Variants in SGMS1 observed in about 807,000 individuals in gnomAD.
SGMS1 encodes the protein phosphatidylcholine:ceramide cholinephosphotransferase 1.
In SGMS1, 13 loss-of-function variants were observed where a neutral mutation model predicts 46.2. The observed-to-expected ratio is 0.28, with a 90% confidence interval of 0.18 to 0.45. SGMS1 has a LOEUF of 0.45. Ranked by LOEUF, SGMS1 falls within the 20% of genes least tolerant of loss-of-function variation. SGMS1 has a pLI of 1.00. For missense variants in SGMS1, 324 were observed against 519.9 expected (o/e 0.62, Z 3.66); for synonymous variants, 203 against 187.8 (o/e 1.08, Z -0.66).
At chr10:50,408,810 T>C (rs1424761053) in intron 6 of SGMS1, among the ~76,000 whole-genome samples, 1 of 152,090 alleles carries the variant, frequency 6.6e-6, no homozygotes, top group Non-Finnish European at 1.5e-5. Context: ...TGGGAGTTCA[T>C]GCTGCAGTAA....
At position 50,528,576 on chromosome 10, in the gene SGMS1, T is replaced by C. The variant is rs183816419; in HGVS notation, c.-588-8655A>G. Reference sequence around the variant, plus strand: ...TCAAGAAACATTCCAATATTATCAATGTCTAAATCCCCACTGCACATATTG... The same window carrying C: ...TCAAGAAACATTCCAATATTATCAACGTCTAAATCCCCACTGCACATATTG... On this transcript the variant is annotated intron_variant, in intron 2 of 10. Transcript: ENST00000361781. Among the ~76,000 whole-genome samples the C allele has an allele frequency of 1.1e-3, 169 of 152,352 alleles. 1 individual carries two copies. The highest frequency in any genetic ancestry group is 4.0e-3 in the African/African-American group (165 of 41,584).
intron 6 of SGMS1, among the ~76,000 whole-genome samples, chr10:50,360,233 C>T (rs186482952): frequency 6.6e-5 from 10 of 152,230 alleles, no homozygotes; most frequent in African/African-American, 2.2e-4. Context: ...AGCCAAACCA[C>T]CAAAAAAGAT....
chr10:50,388,606 GT>G (rs1347787302), intron 6 of SGMS1, among the ~76,000 whole-genome samples: 2 of 151,816 alleles, frequency 1.3e-5, no homozygotes, highest in African/African-American at 4.8e-5. Flanking sequence ...GAGCGAGACT[GT>G]CTCAAAAAGA....
intron 3 of SGMS1, among the ~76,000 whole-genome samples, chr10:50,502,509 A>G (rs942513444): frequency 9.9e-5 from 15 of 152,134 alleles, no homozygotes; most frequent in African/African-American, 3.6e-4. Context: ...CTCTATCTGG[A>G]AAGTTTAGTC....
At chr10:50,377,162 C>T (rs1004408018) in intron 6 of SGMS1, among the ~76,000 whole-genome samples, 2 of 152,188 alleles carry the variant, frequency 1.3e-5, no homozygotes, top group African/African-American at 4.8e-5. Context: ...GAAGTCCAAG[C>T]TCAGGCAGCT....
intron 9 of SGMS1, among the ~76,000 whole-genome samples, chr10:50,308,806 C>T (rs558708424): frequency 1.3e-5 from 2 of 152,162 alleles, no homozygotes; most frequent in African/African-American, 2.4e-5. Flanking sequence ...ACCTTGGATT[C>T]TCAATTGTGG....
chr10:50,597,335 C>A (rs528652608), intron 1 of SGMS1, among the ~76,000 whole-genome samples: 38 of 152,256 alleles, frequency 2.5e-4, no homozygotes, highest in African/African-American at 8.9e-4. Context: ...TAAATGCCAG[C>A]AAAAATACAG....
intron 8 of SGMS1, among the ~76,000 whole-genome samples, chr10:50,318,570 C>T (rs945488748): frequency 6.6e-6 from 1 of 152,056 alleles, no homozygotes; most frequent in Non-Finnish European, 1.5e-5. Context: ...AATATAGATC[C>T]CTGCCGGACG....
At chr10:50,332,989 C>T (rs1847652546) in intron 7 of SGMS1, among the ~76,000 whole-genome samples, 1 of 152,176 alleles carries the variant, frequency 6.6e-6, no homozygotes, top group Non-Finnish European at 1.5e-5. Flanking sequence ...CAATTTCTTT[C>T]TCTGGCCTCT....
intron 6 of SGMS1, among the ~76,000 whole-genome samples, chr10:50,356,094 C>G (rs995417866): frequency 2.5e-4 from 38 of 152,118 alleles, no homozygotes; most frequent in Non-Finnish European, 5.1e-4. Context: ...GCCATGATGA[C>G]GATGCAGTTT....
At chr10:50,419,125 C>T (rs1849221713) in intron 6 of SGMS1, among the ~76,000 whole-genome samples, 2 of 152,024 alleles carry the variant, frequency 1.3e-5, no homozygotes, top group South Asian at 2.1e-4. Flanking sequence ...TCAGGACCAT[C>T]GAGATTTCAG....
At chr10:50,481,920 A>G (rs1464200333) in intron 3 of SGMS1, among the ~76,000 whole-genome samples, 2 of 152,222 alleles carry the variant, frequency 1.3e-5, no homozygotes, top group African/African-American at 4.8e-5. Flanking sequence ...AGAAGAAACA[A>G]TGTCAGAGCT....
At chr10:50,383,555 T>A (rs1248517141) in intron 6 of SGMS1, among the ~76,000 whole-genome samples, 1 of 152,156 alleles carries the variant, frequency 6.6e-6, no homozygotes, top group African/African-American at 2.4e-5. Context: ...ACATGACCTT[T>A]ATAATCTGGA....
intron 6 of SGMS1, among the ~76,000 whole-genome samples, chr10:50,428,723 C>T (rs1242409580): frequency 6.6e-6 from 1 of 152,196 alleles, no homozygotes; most frequent in Non-Finnish European, 1.5e-5. Flanking sequence ...CTCTCACCCA[C>T]CTTAGGGAAG....
intron 7 of SGMS1, among the ~76,000 whole-genome samples, chr10:50,339,408 C>G (rs571174594): frequency 1.4e-4 from 21 of 152,308 alleles, no homozygotes; most frequent in African/African-American, 5.1e-4. Flanking sequence ...TCTGTTCAAC[C>G]ATCTTCTAAT....
At chr10:50,426,571 A>G (rs1849329590) in intron 6 of SGMS1, among the ~76,000 whole-genome samples, 1 of 152,250 alleles carries the variant, frequency 6.6e-6, no homozygotes, top group South Asian at 2.1e-4. Flanking sequence ...CTTTCTGTAC[A>G]TGCTGGACAA....
intron 1 of SGMS1, among the ~76,000 whole-genome samples, chr10:50,616,575 G>C (rs1373069326): frequency 6.6e-6 from 1 of 152,176 alleles, no homozygotes; most frequent in Admixed American, 6.5e-5. Context: ...AAGCGGCGGG[G>C]GGTGTTGTTA....
chr10:50,624,245 T>C (rs1334194513), upstream of SGMS1: 1 of 477,840 alleles, frequency 2.1e-6, no homozygotes, highest in Non-Finnish European at 2.7e-6. Flanking sequence ...TCTGGGACGG[T>C]AAATCCCTTG....
chr10:50,594,397 G>A (rs1371810299), intron 1 of SGMS1, among the ~76,000 whole-genome samples: 1 of 152,116 alleles, frequency 6.6e-6, no homozygotes, highest in Non-Finnish European at 1.5e-5. Context: ...TCTTGAAGGA[G>A]AAAAAGAGTA....
Sources: gnomAD v4.1 joint callset for allele counts (sites outside exome capture counted in the v4.1 genomes callset) on GRCh38, gnomAD v4.1.1 for gene constraint, MANE v1.5 for transcripts, NCBI Gene and HGNC (gene_info 2026-07-23, HGNC 2026-07-21) for gene names.